The following FILIP1L variants were observed in gnomAD, a reference collection of about 807,000 sequenced individuals.
The protein encoded by FILIP1L is filamin A-interacting protein 1-like.
In FILIP1L, 55 loss-of-function variants were observed where a neutral mutation model predicts 96.6. The observed-to-expected ratio is 0.57, with a 90% CI of 0.46 to 0.71. The LOEUF (loss-of-function observed/expected upper bound fraction) is 0.71, where lower values mean the gene tolerates loss of function less well. FILIP1L is among the 30% of genes least tolerant of loss of function. The probability of loss-of-function intolerance (pLI) is 0.00; values close to 1 mark genes in which losing one functional copy is unlikely to be tolerated. For missense variants in FILIP1L, 1,304 were observed against 1,321.2 expected, an observed-to-expected ratio of 0.99 and a Z score of 0.20; for synonymous variants, 467 against 473.9, an observed-to-expected ratio of 0.99 and a Z score of 0.19.
chr3:99,845,898 T>C (rs914683205), intron 5 of FILIP1L, among the ~76,000 whole-genome samples: 2 of 152,226 alleles, frequency 1.3e-5, no homozygotes, highest in Non-Finnish European at 2.9e-5. Flanking sequence ...GAAAGTTTGG[T>C]AAATTTCCAG....
rs1457516382 is a variant in FILIP1L at position 99,833,154 on chromosome 3, C to T, written c.3382-2549G>A. On this transcript the variant is annotated intron_variant, in intron 5 of 5. Coordinates refer to ENST00000477258, the MANE Select transcript of FILIP1L (RefSeq NM_001387850.1). ...TGGAAAGCTCATTCATAGAAGAAAA[C>T]GATTTTTTAATAAATGCTTAACCCA... 5.3e-6 allele frequency: 7 copies of T among 1,320,254 alleles called. No homozygotes were observed. In the East Asian group the frequency reaches 1.2e-4, roughly 22 times the overall value. 81.8% of individuals were successfully genotyped at this position (1,320,254 alleles called of 1,614,324 possible). A position where few individuals can be genotyped will look rare whatever the true frequency, so the allele number is the denominator to read the frequency against.
chr3:100,075,020 T>G (rs934919393), intron 1 of FILIP1L, among the ~76,000 whole-genome samples: 1 of 152,058 alleles, frequency 6.6e-6, no homozygotes, highest in Non-Finnish European at 1.5e-5. Flanking sequence ...TAATGATTTT[T>G]TATAAACCTT....
At chr3:99,965,099 G>A (rs976991379) in intron 1 of FILIP1L, among the ~76,000 whole-genome samples, 4 of 152,160 alleles carry the variant, frequency 2.6e-5, no homozygotes, top group African/African-American at 9.7e-5. Context: ...TAATTACCTT[G>A]AAAGATTACA....
At chr3:99,864,180 C>G (rs1477279664) in intron 4 of FILIP1L, among the ~76,000 whole-genome samples, 3 of 152,128 alleles carry the variant, frequency 2.0e-5, no homozygotes, top group Non-Finnish European at 2.9e-5. Flanking sequence ...TGTTGTATAT[C>G]TATCTTTATA....
chr3:99,914,055 C>G (rs1384032715), intron 4 of FILIP1L, among the ~76,000 whole-genome samples: 1 of 152,148 alleles, frequency 6.6e-6, no homozygotes, highest in Non-Finnish European at 1.5e-5. Flanking sequence ...TCCAAACTAA[C>G]TGAATTTAAA....
chr3:100,014,616 C>T (rs1232365155), intron 1 of FILIP1L, among the ~76,000 whole-genome samples: 1 of 151,822 alleles, frequency 6.6e-6, no homozygotes, highest in Admixed American at 6.6e-5. Flanking sequence ...TTTCATATAC[C>T]TGTTGGCCAT....
chr3:100,109,532 A>C (rs574511693), intron 1 of FILIP1L, among the ~76,000 whole-genome samples: 4 of 151,882 alleles, frequency 2.6e-5, no homozygotes, highest in African/African-American at 9.7e-5. Context: ...TTCTGTCCCT[A>C]TAGTTTTTGG....
chr3:100,059,259 T>C (rs576404618), intron 1 of FILIP1L, among the ~76,000 whole-genome samples: 1 of 152,332 alleles, frequency 6.6e-6, no homozygotes, highest in African/African-American at 2.4e-5. Context: ...GCCTCTTAAT[T>C]TTCTTTTTCC....
intron 1 of FILIP1L, among the ~76,000 whole-genome samples, chr3:99,968,602 G>A (rs1274797444): frequency 2.0e-5 from 3 of 151,998 alleles, no homozygotes; most frequent in African/African-American, 7.3e-5. Flanking sequence ...TGCACAAGGA[G>A]AATATATAGA....
chr3:100,021,346 T>C (rs539811340), intron 1 of FILIP1L, among the ~76,000 whole-genome samples: 1 of 152,340 alleles, frequency 6.6e-6, no homozygotes, highest in African/African-American at 2.4e-5. Context: ...TTATCCCCCT[T>C]GGTTTATTGC....
At chr3:99,957,602 A>G (rs538820821) in intron 1 of FILIP1L, among the ~76,000 whole-genome samples, 27 of 150,658 alleles carry the variant, frequency 1.8e-4, no homozygotes, top group Admixed American at 1.3e-3. Flanking sequence ...GGGGCCTCCT[A>G]TGAACCTCTG....
chr3:99,995,375 C>A (rs1405541786), intron 1 of FILIP1L, among the ~76,000 whole-genome samples: 2 of 152,224 alleles, frequency 1.3e-5, no homozygotes, highest in African/African-American at 2.4e-5. Flanking sequence ...TCTTAGGCAG[C>A]TCAGCCCCTG....
At chr3:100,068,431 A>G (rs2065704679) in intron 1 of FILIP1L, among the ~76,000 whole-genome samples, 1 of 152,100 alleles carries the variant, frequency 6.6e-6, no homozygotes, top group Non-Finnish European at 1.5e-5. Context: ...TTAACTACAA[A>G]ACATCATCTG....
chr3:99,873,953 A>G (rs1281811550), intron 4 of FILIP1L, among the ~76,000 whole-genome samples: 1 of 152,206 alleles, frequency 6.6e-6, no homozygotes, highest in Non-Finnish European at 1.5e-5. Flanking sequence ...ATTCTATCAA[A>G]AACATTTTCC....
intron 4 of FILIP1L, among the ~76,000 whole-genome samples, chr3:99,908,218 T>C (rs997826170): frequency 6.6e-6 from 1 of 152,192 alleles, no homozygotes; most frequent in African/African-American, 2.4e-5. Context: ...GTATGTCCAT[T>C]ACCTAATTTG....
intron 1 of FILIP1L, among the ~76,000 whole-genome samples, chr3:100,048,778 C>T (rs1318929743): frequency 2.6e-5 from 4 of 152,050 alleles, no homozygotes; most frequent in African/African-American, 9.7e-5. Context: ...CCTAACTAGC[C>T]CTAGGTTTTT....
intron 4 of FILIP1L, among the ~76,000 whole-genome samples, chr3:99,869,770 A>T (rs1023020551): frequency 1.3e-5 from 2 of 152,208 alleles, no homozygotes; most frequent in African/African-American, 4.8e-5. Context: ...TTTGATTCAC[A>T]TAAAAAAGCA....
At chr3:99,893,221 A>G (rs1488797496) in intron 4 of FILIP1L, among the ~76,000 whole-genome samples, 2 of 140,394 alleles carry the variant, frequency 1.4e-5, no homozygotes, top group African/African-American at 5.4e-5. Flanking sequence ...GCTGGAGTGC[A>G]GTGGCGCAAT....
intron 1 of FILIP1L, among the ~76,000 whole-genome samples, chr3:100,019,121 G>T (rs1488622637): frequency 6.6e-6 from 1 of 152,114 alleles, no homozygotes; most frequent in Admixed American, 6.6e-5. Flanking sequence ...CAGTATGGAG[G>T]TTCCTCAGAA....
Sources: gnomAD v4.1 joint callset for allele counts (sites outside exome capture counted in the v4.1 genomes callset) on GRCh38, gnomAD v4.1.1 for gene constraint, MANE v1.5 for transcripts, NCBI Gene and HGNC (gene_info 2026-07-23, HGNC 2026-07-21) for gene names.